NTM: variants seen among roughly 807,000 people sequenced by gnomAD.
NTM encodes IgLON family member 2.
In NTM, 13 loss-of-function variants were observed where a neutral mutation model predicts 42.1. The ratio of observed to expected loss-of-function variants is 0.31; its 90% CI spans 0.20 to 0.49. The LOEUF is 0.49. Ranked by LOEUF, NTM falls within the 20% of genes least tolerant of loss-of-function variation. NTM has a pLI of 0.99. For synonymous variants in NTM, 187 were observed against 179.2 expected, an observed-to-expected ratio of 1.04 and a Z score of -0.35; for missense variants, 373 against 452.8, an observed-to-expected ratio of 0.82 and a Z score of 1.60.
intron 1 of NTM, among the ~76,000 whole-genome samples, chr11:131,402,425 C>T (rs562353102): frequency 6.6e-6 from 1 of 151,640 alleles, no homozygotes; most frequent in Admixed American, 6.6e-5. Context: ...ATTGGAGAAT[C>T]CTGCTTGCCC....
chr11:132,157,819 T>C (rs187159622), intron 3 of NTM, among the ~76,000 whole-genome samples: 1 of 152,314 alleles, frequency 6.6e-6, no homozygotes, highest in East Asian at 1.9e-4. Flanking sequence ...TAAATGGCAA[T>C]TGCATTCTTC....
At chr11:132,111,111 GAGAC>G (rs1328947078) in intron 2 of NTM, among the ~76,000 whole-genome samples, 15 of 80,414 alleles carry the variant, frequency 1.9e-4, no homozygotes, top group Non-Finnish European at 3.0e-4. Flanking sequence ...AAAAAAAAAA[GAGAC>G]AGAGAGAAAG....
At chr11:132,310,722 T>A (rs1291618016) in intron 6 of NTM, among the ~76,000 whole-genome samples, 4 of 152,118 alleles carry the variant, frequency 2.6e-5, no homozygotes, top group African/African-American at 9.7e-5. Flanking sequence ...AATTTAGCCC[T>A]CCCTTTGTGC....
intron 2 of NTM, among the ~76,000 whole-genome samples, chr11:132,109,139 A>T (rs957226591): frequency 6.6e-6 from 1 of 152,122 alleles, no homozygotes; most frequent in East Asian, 1.9e-4. Flanking sequence ...AGTCTTTGCT[A>T]TTGTGAACAG....
At chr11:131,721,954 G>A (rs1163824567) in intron 1 of NTM, among the ~76,000 whole-genome samples, 2 of 136,252 alleles carry the variant, frequency 1.5e-5, no homozygotes. Flanking sequence ...AGCCGAGATC[G>A]TGCCATTGCA....
At chr11:131,752,350 C>T (rs2082668914) in intron 1 of NTM, among the ~76,000 whole-genome samples, 1 of 152,244 alleles carries the variant, frequency 6.6e-6, no homozygotes, top group Non-Finnish European at 1.5e-5. Context: ...TACCATCTCA[C>T]ACCAGTTAGA....
intron 7 of NTM, among the ~76,000 whole-genome samples, chr11:132,328,970 C>T (rs980080031): frequency 5.3e-5 from 8 of 152,100 alleles, no homozygotes; most frequent in Non-Finnish European, 1.2e-4. Flanking sequence ...AACTTTTGAT[C>T]GTCGATAAAC....
At chr11:131,400,623 G>A (rs1591562851) in intron 1 of NTM, among the ~76,000 whole-genome samples, 1 of 152,144 alleles carries the variant, frequency 6.6e-6, no homozygotes, top group East Asian at 1.9e-4. Context: ...TGTCGACATG[G>A]AACACATTGT....
In NTM at chr11:132,146,479, A is replaced by G; in HGVS notation, c.365A>G (p.His122Arg). The G allele has an allele frequency of 1.2e-6, 2 of 1,614,112 alleles. No homozygotes were observed. Among genetic ancestry groups the G allele is most frequent in the African/African-American group, 1.3e-5 (1 of 75,020 alleles). The change falls in exon 3 of 9, where the codon CAC (histidine) becomes CGC (arginine). Residue 122 changes from histidine to arginine, a missense_variant. Coordinates refer to ENST00000683400, the MANE Select transcript of NTM (RefSeq NM_001352005.2). This position sits in a 1 kb window ranked among gnomAD's most constrained non-coding sequence, Gnocchi z 4.5. The stretch of plus-strand genomic sequence containing the variant: ...ACCTGCTCGGTGCAGACAGACAACC[A>G]CCCAAAGACCTCTAGGGTCCACCTC... ...PYTCSVQTDN[H>R]PKTSRVHLIV...
intron 1 of NTM, among the ~76,000 whole-genome samples, chr11:131,836,269 C>T (rs750875802): frequency 2.0e-5 from 3 of 152,134 alleles, no homozygotes; most frequent in Admixed American, 6.5e-5. Context: ...TTCTGTTCTC[C>T]AAGGTTTCTC....
intron 2 of NTM, among the ~76,000 whole-genome samples, chr11:132,065,814 G>A (rs975151883): frequency 1.3e-5 from 2 of 152,174 alleles, no homozygotes; most frequent in African/African-American, 4.8e-5. Context: ...TGAAGCAGGT[G>A]CTCTTATCTT....
intron 7 of NTM, among the ~76,000 whole-genome samples, chr11:132,324,506 CTCAATGAAA>C (rs1421163482): frequency 1.1e-4 from 16 of 151,756 alleles, no homozygotes; most frequent in Admixed American, 7.2e-4. Flanking sequence ...CAAACCACTG[CTCAATGAAA>C]TCAAAGAGGA....
At chr11:131,977,315 C>A (rs2134825599) in intron 2 of NTM, among the ~76,000 whole-genome samples, 1 of 152,324 alleles carries the variant, frequency 6.6e-6, no homozygotes, top group East Asian at 1.9e-4. Flanking sequence ...TGTTGTACTG[C>A]CAAATTTCCC....
At chr11:131,587,652 G>A (rs192436987) in intron 1 of NTM, among the ~76,000 whole-genome samples, 2 of 152,112 alleles carry the variant, frequency 1.3e-5, no homozygotes, top group East Asian at 3.9e-4. Context: ...TCCTATATAG[G>A]CAAAGCTTAT....
chr11:131,998,138 GT>G (rs1185371607), intron 2 of NTM, among the ~76,000 whole-genome samples: 1 of 152,090 alleles, frequency 6.6e-6, no homozygotes, highest in Non-Finnish European at 1.5e-5. Context: ...CTGCTGCCTG[GT>G]TTTACGGGGT....
At chr11:131,817,785 A>G (rs190424394) in intron 1 of NTM, among the ~76,000 whole-genome samples, 36 of 152,324 alleles carry the variant, frequency 2.4e-4, no homozygotes, top group Admixed American at 3.9e-4. Flanking sequence ...CATCCCAATT[A>G]ACAATAATTG....
chr11:131,985,260 A>G (rs1421051717), intron 2 of NTM, among the ~76,000 whole-genome samples: 2 of 152,156 alleles, frequency 1.3e-5, no homozygotes, highest in East Asian at 1.9e-4. Context: ...AGTTTTACCA[A>G]ACATTTTGCT....
chr11:131,990,414 G>T (rs141410957), intron 2 of NTM, among the ~76,000 whole-genome samples: 1 of 152,078 alleles, frequency 6.6e-6, no homozygotes, highest in Non-Finnish European at 1.5e-5. Context: ...GACCAATATT[G>T]AACGTTCAAG....
intron 4 of NTM, among the ~76,000 whole-genome samples, chr11:132,278,408 C>A (rs2093819460): frequency 6.6e-6 from 1 of 152,150 alleles, no homozygotes; most frequent in South Asian, 2.1e-4. Context: ...GGCATCTTCA[C>A]CCATCTCTGC....
Sources: allele counts gnomAD v4.1 joint callset (sites outside exome capture counted in the v4.1 genomes callset), GRCh38; gene constraint gnomAD v4.1.1; non-coding constraint Gnocchi (gnomAD v3.1); transcripts MANE v1.5; gene names NCBI Gene and HGNC (gene_info 2026-07-23, HGNC 2026-07-21).